The following CEP131 variants were observed in gnomAD, a reference collection of about 807,000 sequenced individuals.
The protein encoded by CEP131 is centrosomal protein 131, also known as centrosomal protein of 131 kDa.
Under a neutral mutation model 136.8 loss-of-function variants are expected in CEP131, and 99 were observed. The observed-to-expected ratio is 0.72, with a 90% CI of 0.62 to 0.86. CEP131 has a LOEUF of 0.86. Ranked by LOEUF, CEP131 falls within the 40% of genes least tolerant of loss-of-function variation. CEP131 has a pLI of 0.00. For missense variants in CEP131, 1,459 were observed against 1,463.0 expected, an observed-to-expected ratio of 1.00 and a Z score of 0.04; for synonymous variants, 646 against 612.7, an observed-to-expected ratio of 1.05 and a Z score of -0.80.
intron 8 of CEP131, 91 bp downstream of exon 8, chr17:81,200,238 T>G: frequency 9.8e-7 from 1 of 1,022,802 alleles, no homozygotes; most frequent in Non-Finnish European, 1.4e-6. Flanking sequence ...ATCCTAGGCT[T>G]TGATTCCACC....
intron 2 of CEP131, among the ~76,000 whole-genome samples, chr17:81,210,474 G>T (rs1378452182): frequency 6.6e-6 from 1 of 152,172 alleles, no homozygotes; most frequent in East Asian, 1.9e-4. Context: ...GCAGGCTGAG[G>T]TAGGGGAATT....
chr17:81,210,977 G>A (rs79803422), intron 2 of CEP131, among the ~76,000 whole-genome samples: 1,553 of 152,240 alleles, frequency 0.01, 34 homozygotes, highest in African/African-American at 0.035. Context: ...CCAGCTCGGC[G>A]GCAGCAGAGC....
intron 2 of CEP131, among the ~76,000 whole-genome samples, chr17:81,218,647 G>A (rs957751825): frequency 3.3e-5 from 5 of 152,260 alleles, no homozygotes; most frequent in Non-Finnish European, 5.9e-5. Flanking sequence ...CCGCCCTGCT[G>A]GCCCAGGCTT....
At chr17:81,194,686 C>G (rs2061715792) in intron 17 of CEP131, among the ~76,000 whole-genome samples, 184 bp downstream of exon 17, 1 of 152,076 alleles carries the variant, frequency 6.6e-6, no homozygotes, top group Non-Finnish European at 1.5e-5. Context: ...AGCCCACCTG[C>G]CCCCCGGGTC....
At chr17:81,210,811 C>A (rs534637006) in intron 2 of CEP131, among the ~76,000 whole-genome samples, 61 of 143,070 alleles carry the variant, frequency 4.3e-4, no homozygotes, top group African/African-American at 1.6e-3. Context: ...TGAAAACAAC[C>A]CAACTTCAAA....
chr17:81,196,081 T>C, intron 15 of CEP131, 130 bp from the exon 16 acceptor site: 1 of 702,430 alleles, frequency 1.4e-6, no homozygotes, highest in Non-Finnish European at 2.4e-6. Flanking sequence ...CCTCCTAGGT[T>C]TGTGGATGGA....
In CEP131 at chr17:81,219,759, T is replaced by C; in HGVS notation, c.177+121A>G. 4 of 1,082,268 alleles carry C rather than the reference T, an allele frequency of 3.7e-6. No homozygotes were observed. Among genetic ancestry groups the C allele is most frequent in the Non-Finnish European group, 5.1e-6 (4 of 789,074 alleles). 67.0% of individuals were successfully genotyped at this position (1,082,268 alleles called of 1,614,324 possible). A position where few individuals can be genotyped will look rare whatever the true frequency, so the allele number is the denominator to read the frequency against. ...CTGCCTCCTGGAACAGCCACGAGGA[T>C]CCAGCATGTCCAGATGTGAGGCACT... On this transcript the variant is annotated intron_variant, in intron 2 of 25. Coordinates refer to ENST00000450824, the MANE Select transcript of CEP131 (RefSeq NM_014984.4). The surrounding 1 kb of genome is among the most constrained non-coding windows in gnomAD (Gnocchi z 4.0).
rs751702189 is a variant in CEP131 at position 81,194,000 on chromosome 17, G to C, written c.2247C>G (p.Ala749=). ...GCTCCAGCTGCTCCCGCAGCTCCTC[G>C]GCCTGGCGCAGGCAGCGCTGCGAGG... ...ERASQRCLRQ[A]EELREQLERE... The change falls in exon 18 of 26, where the codon GCC becomes GCG. Residue 749 remains alanine, a synonymous_variant. Coordinates refer to ENST00000450824, the MANE Select transcript of CEP131 (RefSeq NM_014984.4). 2.6e-6 allele frequency: 4 copies of C among 1,555,958 alleles called. No homozygotes were observed. The African/African-American group carries it at 5.5e-5, about 21-fold the overall frequency.
intron 17 of CEP131, 76 bp from the exon 18 acceptor site, chr17:81,194,203 C>G: frequency 7.3e-7 from 1 of 1,364,526 alleles, no homozygotes; most frequent in Non-Finnish European, 9.7e-7. Context: ...ACAAGACCAG[C>G]CTGTCTCAGG....
intron 16 of CEP131, 53 bp from the exon 17 acceptor site, chr17:81,195,025 T>C: frequency 7.0e-7 from 1 of 1,426,700 alleles, no homozygotes; most frequent in South Asian, 1.2e-5. Flanking sequence ...CCCCGTCCCT[T>C]TGCCACCCTG....
At position 81,189,636 on chromosome 17, in the gene CEP131, AG is replaced by A; in HGVS notation, c.*132del. 4.6e-6 allele frequency: 4 copies of A among 864,716 alleles called. No homozygotes were observed. The highest frequency in any genetic ancestry group is 7.1e-6 in the Non-Finnish European group (4 of 561,772). 53.6% of individuals were successfully genotyped at this position (864,716 alleles called of 1,614,324 possible). A position where few individuals can be genotyped will look rare whatever the true frequency, so the allele number is the denominator to read the frequency against. ...TCCTTTACTGTTAAAATGCAGCCAC[AG>A]GTGCTTAGCCGTGGGCATCTCAACC... On this transcript the variant is annotated 3_prime_UTR_variant, in exon 26 of 26. Transcript: ENST00000450824.
intron 2 of CEP131, among the ~76,000 whole-genome samples, chr17:81,216,740 G>A (rs1037623143): frequency 6.6e-6 from 1 of 152,228 alleles, no homozygotes; most frequent in Non-Finnish European, 1.5e-5. Context: ...AATGGTGGGT[G>A]TGAATGGCCT....
intron 2 of CEP131, among the ~76,000 whole-genome samples, chr17:81,218,065 C>T (rs2146744511): frequency 7.1e-6 from 1 of 140,794 alleles, no homozygotes; most frequent in South Asian, 2.5e-4. Flanking sequence ...TTTTTTGAGA[C>T]AGAGTCTTGC....
intron 12 of CEP131, 26 bp downstream of exon 12, chr17:81,198,089 G>A: frequency 6.5e-7 from 1 of 1,536,022 alleles, no homozygotes; most frequent in Non-Finnish European, 8.8e-7. Context: ...GACAGACTGT[G>A]CAGGGCGGGC....
At chr17:81,202,516 G>C (rs1403626414) in intron 6 of CEP131, 118 bp from the exon 7 acceptor site, 30 of 1,267,120 alleles carry the variant, frequency 2.4e-5, no homozygotes, top group Non-Finnish European at 3.1e-5. Context: ...GTGCTGGCAG[G>C]CTGGCAGCCG....
intron 17 of CEP131, 145 bp from the exon 18 acceptor site, chr17:81,194,272 G>A (rs978827063): frequency 5.4e-6 from 4 of 742,286 alleles, no homozygotes; most frequent in Non-Finnish European, 8.2e-6. Flanking sequence ...GCACAGCTGA[G>A]TCTTGACGCC....
At chr17:81,213,523 C>A (rs2062179588) in intron 2 of CEP131, among the ~76,000 whole-genome samples, 2 of 150,226 alleles carry the variant, frequency 1.3e-5, no homozygotes, top group Non-Finnish European at 2.9e-5. Context: ...TATGCCACTG[C>A]ACTGCAGCCT....
chr17:81,209,017 G>A lies in CEP131; in HGVS notation c.183C>T (p.Ala61=), dbSNP rs1335846435. 3 of 1,611,412 alleles carry A rather than the reference G, an allele frequency of 1.9e-6. No individual in the cohort carries two copies. The highest frequency in any genetic ancestry group is 1.3e-5 in the African/African-American group (1 of 74,978). ...GSEQKRKVLE[A]TGPGGSQAIN... ...TGGCCTGGGAGCCCCCAGGCCCTGTGGCCTCCTGCAAAAAGGGAGAAAACA... is the reference window on the plus strand; with the variant it reads ...TGGCCTGGGAGCCCCCAGGCCCTGTAGCCTCCTGCAAAAAGGGAGAAAACA... Residue 61 remains alanine (A), a synonymous_variant, in exon 3 of 26, where the codon GCC becomes GCT. Coordinates refer to ENST00000450824, the MANE Select transcript of CEP131 (RefSeq NM_014984.4).
intron 2 of CEP131, among the ~76,000 whole-genome samples, chr17:81,209,588 G>C (rs1297201670): frequency 3.0e-5 from 3 of 100,944 alleles, no homozygotes; most frequent in African/African-American, 1.1e-4. Context: ...CGGAGAAGCG[G>C]ACGCTAAGCG....
Sources: allele counts gnomAD v4.1 joint callset (sites outside exome capture counted in the v4.1 genomes callset), GRCh38; gene constraint gnomAD v4.1.1; non-coding constraint Gnocchi (gnomAD v3.1); transcripts MANE v1.5; gene names NCBI Gene and HGNC (gene_info 2026-07-23, HGNC 2026-07-21).